Variants in PRKCH observed in about 807,000 individuals in gnomAD.
PRKCH encodes the protein protein kinase C eta type.
A neutral mutation model predicts 82.5 loss-of-function variants in PRKCH; 28 were observed. That is an observed-to-expected ratio of 0.34 (90% CI 0.25 to 0.47). The LOEUF is 0.47. PRKCH is among the 20% of genes least tolerant of loss of function. PRKCH has a pLI of 1.00. For missense variants in PRKCH, 705 were observed against 881.8 expected (o/e 0.80, Z 2.54); for synonymous variants, 322 against 327.4 (o/e 0.98, Z 0.18).
chr14:61,444,833 T>A (rs1220244031), intron 3 of PRKCH, among the ~76,000 whole-genome samples: 1 of 152,220 alleles, frequency 6.6e-6, no homozygotes, highest in African/African-American at 2.4e-5. Context: ...GGCCAGGCAC[T>A]ATTGTGAGCA....
At chr14:61,218,862 G>A (rs1041058029) in intron 1 of PRKCH, among the ~76,000 whole-genome samples, 1 of 152,140 alleles carries the variant, frequency 6.6e-6, no homozygotes, top group African/African-American at 2.4e-5. Flanking sequence ...TCTATAAAGA[G>A]CTTTTCCACA....
chr14:61,291,129 A>G (rs2045357464), intron 1 of PRKCH, among the ~76,000 whole-genome samples: 1 of 152,216 alleles, frequency 6.6e-6, no homozygotes, highest in Non-Finnish European at 1.5e-5. Context: ...ATTTCTTATA[A>G]CCAAATGTCA....
chr14:61,428,106 T>C (rs200209947), intron 2 of PRKCH, among the ~76,000 whole-genome samples: 50 of 82,930 alleles, frequency 6.0e-4, no homozygotes, highest in African/African-American at 1.4e-3. Flanking sequence ...CATATATATA[T>C]ACACACATAT....
chr14:61,323,469 T>C (rs2045657398), intron 1 of PRKCH, among the ~76,000 whole-genome samples: 1 of 152,174 alleles, frequency 6.6e-6, no homozygotes, highest in Non-Finnish European at 1.5e-5. Flanking sequence ...CTCAGGAGTT[T>C]AATAGTTTAA....
At chr14:61,266,831 C>T (rs1417936821) in intron 1 of PRKCH, among the ~76,000 whole-genome samples, 2 of 152,076 alleles carry the variant, frequency 1.3e-5, no homozygotes, top group African/African-American at 2.4e-5. Flanking sequence ...TCTGATTCCC[C>T]GAGCTTTGCT....
At chr14:61,203,642 G>T (rs781568735) in intron 1 of PRKCH, among the ~76,000 whole-genome samples, 3 of 152,114 alleles carry the variant, frequency 2.0e-5, no homozygotes, top group Non-Finnish European at 2.9e-5. Flanking sequence ...ACTTTTCTAG[G>T]AAGTGTTTTT....
intron 1 of PRKCH, among the ~76,000 whole-genome samples, chr14:61,202,358 A>G (rs2044488325): frequency 6.6e-6 from 1 of 152,206 alleles, no homozygotes; most frequent in Non-Finnish European, 1.5e-5. Flanking sequence ...TTCTAATCCC[A>G]GGGCACAAAA....
rs2045248964 is a variant in PRKCH, at chr14:61,280,496, A to G, written c.-19+92828A>G. 1 of 1,612,796 alleles carries G rather than the reference A, an allele frequency of 6.2e-7. No homozygotes were observed. Among genetic ancestry groups the G allele is most frequent in the African/African-American group, 1.3e-5 (1 of 74,922 alleles). The stretch of plus-strand genomic sequence containing the variant: ...GGGGGCGCCGTGCCCTGGAAGGCCA[A>G]CGCCAGGCTGCCGTTGACCAGCGGC... On this transcript the variant is annotated intron_variant, in intron 1 of 3. Transcript: ENST00000555185. This position sits in a 1 kb window ranked among gnomAD's most constrained non-coding sequence, Gnocchi z 5.0.
chr14:61,335,694 T>C (rs2045848086), intron 1 of PRKCH, among the ~76,000 whole-genome samples: 1 of 152,264 alleles, frequency 6.6e-6, no homozygotes, highest in Admixed American at 6.5e-5. Flanking sequence ...ATTTTGCCTA[T>C]TTTGAATAGT....
chr14:61,287,801 G>A (rs1180533933), intron 1 of PRKCH, among the ~76,000 whole-genome samples: 2 of 152,034 alleles, frequency 1.3e-5, no homozygotes, highest in African/African-American at 4.8e-5. Flanking sequence ...AGAGGGAGGG[G>A]GACACCATGA....
intron 1 of PRKCH, among the ~76,000 whole-genome samples, chr14:61,254,609 AAAAACAAAACAAAAT>A (rs778105618): frequency 3.9e-4 from 60 of 152,144 alleles, no homozygotes; most frequent in African/African-American, 1.1e-3. Flanking sequence ...ACCCTGTTTA[AAAAACAAAACAAAAT>A]AAAACAAAAC....
intron 1 of PRKCH, chr14:61,278,671 A>T (rs1189592901): frequency 6.6e-6 from 1 of 152,222 alleles, no homozygotes; most frequent in African/African-American, 2.4e-5. Context: ...GTAAGATGAT[A>T]TCACAAAGGG....
chr14:61,223,468 T>C (rs1283697159), intron 1 of PRKCH, among the ~76,000 whole-genome samples: 2 of 152,182 alleles, frequency 1.3e-5, no homozygotes, highest in Admixed American at 1.3e-4. Flanking sequence ...CAGCACAATT[T>C]CCACTGCCTG....
chr14:61,359,917 G>C (rs1304983932), intron 1 of PRKCH, among the ~76,000 whole-genome samples: 1 of 152,174 alleles, frequency 6.6e-6, no homozygotes, highest in Admixed American at 6.5e-5. Flanking sequence ...GCTGTTTTAG[G>C]ATGTAGAAGT....
chr14:61,464,588 T>G (rs558543896), intron 9 of PRKCH, among the ~76,000 whole-genome samples: 1 of 152,270 alleles, frequency 6.6e-6, no homozygotes, highest in South Asian at 2.1e-4. Flanking sequence ...CATGTGATGT[T>G]CCCCTCCCTG....
At chr14:61,327,159 CTT>C (rs959435164) in intron 1 of PRKCH, 14 of 455,044 alleles carry the variant, frequency 3.1e-5, no homozygotes, top group African/African-American at 2.6e-4. Flanking sequence ...TGGAGGGCCT[CTT>C]TCTCTCAATT....
intron 1 of PRKCH, among the ~76,000 whole-genome samples, chr14:61,325,803 C>T (rs2045687736): frequency 6.6e-6 from 1 of 152,152 alleles, no homozygotes; most frequent in Non-Finnish European, 1.5e-5. Flanking sequence ...TGACTTGTAA[C>T]TTGTCAAATA....
At chr14:61,327,325 C>G in intron 1 of PRKCH, 1 of 331,762 alleles carries the variant, frequency 3.0e-6, no homozygotes, top group South Asian at 2.4e-5. Flanking sequence ...TCTAGTGGTT[C>G]ATTCTCTTTT....
chr14:61,344,291 G>A (rs1219015648), intron 1 of PRKCH: 1 of 152,188 alleles, frequency 6.6e-6, no homozygotes, highest in African/African-American at 2.4e-5. Flanking sequence ...GAGGAGTTAA[G>A]TTAGACAGTG....
Sources: allele counts gnomAD v4.1 joint callset (sites outside exome capture counted in the v4.1 genomes callset), GRCh38; gene constraint gnomAD v4.1.1; non-coding constraint Gnocchi (gnomAD v3.1); transcripts MANE v1.5; gene names NCBI Gene and HGNC (gene_info 2026-07-23, HGNC 2026-07-21).